Variants in IAH1 observed in about 807,000 individuals in gnomAD.
The protein encoded by IAH1 is isoamyl acetate hydrolyzing esterase 1 (putative), also known as isoamyl acetate-hydrolyzing esterase 1 homolog.
A neutral mutation model predicts 26.7 loss-of-function variants in IAH1; 24 were observed. That is an observed-to-expected ratio of 0.90 (90% CI 0.65 to 1.26). IAH1 has a LOEUF of 1.26. Among genes scored for constraint, IAH1 ranks in the 50% most tolerant of loss-of-function variants. The pLI, the probability that IAH1 is intolerant of heterozygous loss-of-function variation, is 0.00. For missense variants in IAH1, 300 were observed against 299.9 expected, an observed-to-expected ratio of 1.00 and a Z score of 0.00; for synonymous variants, 140 against 118.5, an observed-to-expected ratio of 1.18 and a Z score of -1.18.
the IAH1 span, chr2:9,505,192 G>A: frequency 1.2e-6 from 2 of 1,614,176 alleles, no homozygotes; most frequent in Non-Finnish European, 1.7e-6. Context: ...CCTTCAACGT[G>A]CAGTCGCTGT....
At chr2:9,487,831 T>TGTGTGTGTGC (rs1661661421) in intron 5 of IAH1, among the ~76,000 whole-genome samples, 8 of 80,172 alleles carry the variant, frequency 1.0e-4, no homozygotes, top group African/African-American at 3.3e-4. Context: ...TGTGTGTGTG[T>TGTGTGTGTGC]GTGCGCGCGC....
the IAH1 span, among the ~76,000 whole-genome samples, chr2:9,507,543 G>A: frequency 6.6e-6 from 1 of 152,050 alleles, no homozygotes; most frequent in Admixed American, 6.6e-5. Flanking sequence ...AAACATAGAA[G>A]ATGCACATTA....
chr2:9,479,567 G>A, intron 3 of IAH1, among the ~76,000 whole-genome samples: 1 of 152,058 alleles, frequency 6.6e-6, no homozygotes, highest in Non-Finnish European at 1.5e-5. Context: ...ATTAAAACAA[G>A]GTATTTTGAT....
At chr2:9,482,059 T>C (rs1400790789) in intron 4 of IAH1, among the ~76,000 whole-genome samples, 1 of 138,374 alleles carries the variant, frequency 7.2e-6, no homozygotes, top group Non-Finnish European at 1.5e-5. Context: ...GGAGATAGAG[T>C]CTGGCTCTGT....
downstream of IAH1, among the ~76,000 whole-genome samples, chr2:9,498,029 T>C (rs1572890121): frequency 6.6e-6 from 1 of 152,314 alleles, no homozygotes; most frequent in East Asian, 1.9e-4. Flanking sequence ...AAATCAATTA[T>C]TCTTTTTATT....
rs755202985 is a variant in IAH1, at chr2:9,474,640, T to A, written c.74T>A (p.Ile25Asn). The change falls in exon 1 of 6, where the codon ATC becomes AAC. Residue 25 changes from isoleucine to asparagine, a missense_variant. By Grantham distance (149) the Ile-to-Asn change is moderately radical. Coordinates refer to ENST00000497473, the MANE Select transcript of IAH1 (RefSeq NM_001039613.3). This position sits in a 1 kb window ranked among gnomAD's most constrained non-coding sequence, Gnocchi z 4.3. The part of the protein sequence containing the change: ...WPRLLLFGDS[I>N]TQFSFQQGGW... ...CGCTTGTTGCTCTTCGGGGACTCCATCACCCAGGTACGGCCGCCCCGACGC... is the reference window on the plus strand; with the variant it reads ...CGCTTGTTGCTCTTCGGGGACTCCAACACCCAGGTACGGCCGCCCCGACGC... 5.8e-6 allele frequency: 9 copies of A among 1,548,634 alleles called. No individual in the cohort carries two copies. Among genetic ancestry groups the A allele is most frequent in the Middle Eastern group, 1.8e-4 (1 of 5,664 alleles).
chr2:9,512,139 C>T, the IAH1 span, among the ~76,000 whole-genome samples: 8 of 151,408 alleles, frequency 5.3e-5, no homozygotes, highest in East Asian at 5.8e-4. Flanking sequence ...ATATTAAAAC[C>T]GTAGTGGGAA....
chr2:9,480,009 A>T (rs937522134), intron 3 of IAH1, among the ~76,000 whole-genome samples: 6 of 151,732 alleles, frequency 4.0e-5, no homozygotes, highest in African/African-American at 1.4e-4. Context: ...GGGTTTCCCC[A>T]TGTTGGTCAG....
At chr2:9,482,562 C>T (rs1661248790) in intron 4 of IAH1, among the ~76,000 whole-genome samples, 1 of 152,128 alleles carries the variant, frequency 6.6e-6, no homozygotes, top group African/African-American at 2.4e-5. Flanking sequence ...GAAATGGAGT[C>T]TTAGAGAGGC....
At chr2:9,475,231 G>C (rs1375600299) in intron 1 of IAH1, 8 of 1,284,472 alleles carry the variant, frequency 6.2e-6, no homozygotes, top group Non-Finnish European at 8.1e-6. Flanking sequence ...CTTACTTCGG[G>C]GAGGGAGTAG....
the IAH1 span, among the ~76,000 whole-genome samples, chr2:9,506,019 G>A: frequency 1.3e-5 from 2 of 152,086 alleles, no homozygotes; most frequent in African/African-American, 4.8e-5. Flanking sequence ...AGAACCACTA[G>A]GATAACTCCC....
At chr2:9,505,083 A>C in the IAH1 span, 3 of 1,431,720 alleles carry the variant, frequency 2.1e-6, no homozygotes, top group Admixed American at 5.7e-5. Context: ...GTTGATTCTA[A>C]AGCCCCTGCA....
intron 5 of IAH1, chr2:9,484,819 C>A: frequency 2.8e-6 from 1 of 356,656 alleles, no homozygotes; most frequent in Non-Finnish European, 5.1e-6. Flanking sequence ...TTATGAACGT[C>A]CAGGCCAAGT....
intron 3 of IAH1, chr2:9,480,989 G>C (rs1243576973): frequency 3.9e-6 from 1 of 255,232 alleles, no homozygotes; most frequent in Non-Finnish European, 7.4e-6. Flanking sequence ...TCACCCAACA[G>C]GGTGGGCTCT....
At chr2:9,476,067 C>T (rs1323940149) in intron 2 of IAH1, 28 bp downstream of exon 2, 4 of 1,580,726 alleles carry the variant, frequency 2.5e-6, no homozygotes, top group African/African-American at 1.3e-5. Flanking sequence ...TACTTGAGTT[C>T]TTATGGATGG....
chr2:9,489,354 A>G lies in IAH1; in HGVS notation c.*1025A>G, dbSNP rs1167602778. The stretch of plus-strand genomic sequence containing the variant: ...AACCTCAGCCTCTCCAAGTGCTGGG[A>G]TTACAGGCATGAGCCACCACTCCCA... On this transcript the variant is annotated 3_prime_UTR_variant, in exon 6 of 6. Transcript: ENST00000497473. The G allele has an allele frequency of 2.1e-5, 3 of 140,744 alleles. No homozygotes were observed. The highest frequency in any genetic ancestry group is 5.5e-5 in the African/African-American group (2 of 36,456). The allele number at this position is 140,744 out of a possible 1,614,324, so 8.7% of individuals were successfully genotyped here.
At chr2:9,487,834 G>GCA (rs1661673808) in intron 5 of IAH1, among the ~76,000 whole-genome samples, 2 of 54,730 alleles carry the variant, frequency 3.7e-5, no homozygotes, top group Admixed American at 1.4e-4. Flanking sequence ...GTGTGTGTGT[G>GCA]CGCGCGCGCG....
chr2:9,491,454 C>A (rs1361499767), downstream of IAH1, among the ~76,000 whole-genome samples: 2 of 152,208 alleles, frequency 1.3e-5, no homozygotes, highest in Admixed American at 6.5e-5. Flanking sequence ...ATAATAAAGG[C>A]ATCTTCCTGT....
chr2:9,502,500 A>C, the IAH1 span, among the ~76,000 whole-genome samples: 1 of 152,176 alleles, frequency 6.6e-6, no homozygotes, highest in Non-Finnish European at 1.5e-5. Context: ...CTATAGGAGA[A>C]AAGAATGGGA....
Sources: gnomAD v4.1 joint callset for allele counts (sites outside exome capture counted in the v4.1 genomes callset) on GRCh38, gnomAD v4.1.1 for gene constraint, Gnocchi (gnomAD v3.1) non-coding constraint, MANE v1.5 for transcripts, NCBI Gene and HGNC (gene_info 2026-07-23, HGNC 2026-07-21) for gene names.